Variants in NCAPD3 observed in about 807,000 individuals in gnomAD.
NCAPD3 encodes non-SMC condensin II complex subunit D3, also known as condensin-2 complex subunit D3.
NCAPD3 carries 105 observed loss-of-function variants against 182.9 expected under a neutral mutation model. The observed-to-expected ratio is 0.57, with a 90% confidence interval of 0.49 to 0.68. The LOEUF is 0.68. NCAPD3 is among the 30% of genes least tolerant of loss of function. The pLI, the probability that NCAPD3 is intolerant of heterozygous loss-of-function variation, is 0.00. For synonymous variants in NCAPD3, 815 were observed against 679.9 expected (o/e 1.20, Z -3.09); for missense variants, 1,944 against 1,837.0 (o/e 1.06, Z -1.07).
chr11:134,217,180 G>A, intron 2 of NCAPD3, 82 bp from the exon 3 acceptor site: 3 of 1,323,626 alleles, frequency 2.3e-6, no homozygotes, highest in South Asian at 1.8e-5. Context: ...GTAAGTTCTT[G>A]GTGCCTTACA....
chr11:134,206,770 G>A (rs909484631), intron 7 of NCAPD3, 38 bp from the exon 8 acceptor site: 1 of 1,589,112 alleles, frequency 6.3e-7, no homozygotes. Flanking sequence ...AGATCGGATG[G>A]AGAACACAAG....
At chr11:134,165,791 TA>T (rs1943765606) in intron 27 of NCAPD3, among the ~76,000 whole-genome samples, 1 of 115,756 alleles carries the variant, frequency 8.6e-6, no homozygotes, top group Non-Finnish European at 1.7e-5. Flanking sequence ...GAGAGGAGCT[TA>T]GGGGAGATGC....
chr11:134,169,147 T>A, intron 24 of NCAPD3, 93 bp from the exon 25 acceptor site: 4 of 1,295,030 alleles, frequency 3.1e-6, no homozygotes, highest in Non-Finnish European at 3.1e-6. Flanking sequence ...AGAGGAGAGC[T>A]GTACATAAGC....
intron 32 of NCAPD3, among the ~76,000 whole-genome samples, chr11:134,155,497 A>T (rs772650896): frequency 1.3e-5 from 2 of 152,216 alleles, no homozygotes; most frequent in African/African-American, 2.4e-5. Context: ...CAAGTACTCT[A>T]CCAACTCAAT....
intron 22 of NCAPD3, chr11:134,177,736 C>T (rs958673500): frequency 9.6e-6 from 4 of 416,300 alleles, no homozygotes; most frequent in South Asian, 3.6e-5. Context: ...ATTTGAATTT[C>T]GCAGTTATCC....
At position 134,192,758 on chromosome 11, in the gene NCAPD3, G is replaced by T. The variant is rs1337398890; in HGVS notation, c.1976C>A (p.Ser659Tyr). The T allele has an allele frequency of 1.2e-6, 2 of 1,614,264 alleles. No individual in the cohort carries two copies. Among genetic ancestry groups the T allele is most frequent in the African/African-American group, 2.7e-5 (2 of 75,082 alleles). Residue 659 changes from serine to tyrosine, a missense_variant, in exon 16 of 35, where the codon TCT (serine) becomes TAT (tyrosine). Ser to Tyr is a moderately radical substitution (Grantham distance 144). Around this residue, in one of 3 missense-constraint regions of NCAPD3, gnomAD observed 1,803 missense variants for 1,674.6 expected, o/e 1.08. Transcript: ENST00000534548. ...GGCGAGGACCTGGCTGTCGTCCCCA[G>T]AGTGAAAATGACTGTGATGCCGGAT... The part of the protein sequence containing the change: ...QNIRHHSHFH[S>Y]GDDSQVLAWA...
chr11:134,160,147 A>G, intron 28 of NCAPD3, 73 bp from the exon 29 acceptor site: 2 of 1,486,642 alleles, frequency 1.3e-6, no homozygotes, highest in Middle Eastern at 1.8e-4. Context: ...CCCACGACAC[A>G]CCTTCGCCTG....
intron 27 of NCAPD3, among the ~76,000 whole-genome samples, chr11:134,163,865 C>G (rs1481096610): frequency 4.8e-5 from 5 of 103,470 alleles, no homozygotes; most frequent in African/African-American, 1.9e-4. Context: ...CAGTGAGATT[C>G]TGTCTCAAAA....
intron 28 of NCAPD3, 108 bp downstream of exon 28, chr11:134,161,673 T>C (rs1943583850): frequency 1.4e-6 from 1 of 712,920 alleles, no homozygotes; most frequent in African/African-American, 1.8e-5. Context: ...TTTGCAGAAT[T>C]TGGGGTTCTA....
chr11:134,202,946 T>A (rs199577045), intron 12 of NCAPD3, 41 bp from the exon 13 acceptor site: 1 of 1,484,302 alleles, frequency 6.7e-7, no homozygotes, highest in East Asian at 2.3e-5. Flanking sequence ...AAAAATGTGT[T>A]ATACTTTTAA....
chr11:134,160,270 G>C (rs1943541736), intron 28 of NCAPD3, among the ~76,000 whole-genome samples, 196 bp from the exon 29 acceptor site: 3 of 152,166 alleles, frequency 2.0e-5, no homozygotes, highest in South Asian at 2.1e-4. Context: ...CAATAGGACT[G>C]ACATTACTGA....
chr11:134,176,389 G>A lies in NCAPD3; in HGVS notation c.3022-3C>T. The A allele has an allele frequency of 6.2e-7, 1 of 1,613,586 alleles. No individual in the cohort carries two copies. The highest frequency in any genetic ancestry group is 8.5e-7 in the Non-Finnish European group (1 of 1,179,598). ...CCCTTCCATTTCACAAATTCCTCCT[G>A]TGCAGAGAGAAGCCGGCATGTTTCA... On this transcript the variant is annotated splice_polypyrimidine_tract_variant and splice_region_variant and intron_variant, in intron 23 of 34. Transcript: ENST00000534548.
chr11:134,202,618 T>A (rs1944772408), intron 13 of NCAPD3, among the ~76,000 whole-genome samples, 198 bp downstream of exon 13: 3 of 151,388 alleles, frequency 2.0e-5, no homozygotes. Context: ...TGGGCTCAAG[T>A]GATCTGCAGG....
intron 16 of NCAPD3, among the ~76,000 whole-genome samples, chr11:134,190,415 G>A (rs1269505768): frequency 6.6e-6 from 1 of 152,180 alleles, no homozygotes; most frequent in Non-Finnish European, 1.5e-5. Context: ...TTATCTATGT[G>A]TTTATCGATT....
At chr11:134,188,742 C>T (rs1403452063) in intron 16 of NCAPD3, among the ~76,000 whole-genome samples, 2 of 152,194 alleles carry the variant, frequency 1.3e-5, no homozygotes, top group Non-Finnish European at 2.9e-5. Context: ...TCTGGACACA[C>T]CATCTTTAAG....
chr11:134,172,531 A>G (rs182252932), intron 24 of NCAPD3, among the ~76,000 whole-genome samples: 6 of 151,990 alleles, frequency 3.9e-5, no homozygotes, highest in African/African-American at 1.4e-4. Flanking sequence ...TTCTATCTCA[A>G]TGGTCCATTA....
chr11:134,184,046 A>C (rs1205819713), intron 19 of NCAPD3, among the ~76,000 whole-genome samples: 2 of 152,234 alleles, frequency 1.3e-5, no homozygotes, highest in Non-Finnish European at 2.9e-5. Flanking sequence ...TTATTTCTTC[A>C]GTTACTGGTA....
chr11:134,170,791 T>A (rs1591832485), intron 24 of NCAPD3, among the ~76,000 whole-genome samples: 2 of 152,230 alleles, frequency 1.3e-5, no homozygotes, highest in East Asian at 3.8e-4. Flanking sequence ...ATTCACACGC[T>A]GAGGGCTGAA....
chr11:134,154,482 C>G (rs985522690), intron 32 of NCAPD3, among the ~76,000 whole-genome samples: 2 of 150,234 alleles, frequency 1.3e-5, no homozygotes, highest in Non-Finnish European at 3.0e-5. Context: ...TCTGCACCCC[C>G]CCCCCCACCG....
Sources: gnomAD v4.1 joint callset for allele counts (sites outside exome capture counted in the v4.1 genomes callset) on GRCh38, gnomAD v4.1.1 for gene constraint, gnomAD v4.1.1 regional missense constraint, MANE v1.5 for transcripts, NCBI Gene and HGNC (gene_info 2026-07-23, HGNC 2026-07-21) for gene names.